The following CALN1 variants were observed in gnomAD, a reference collection of about 807,000 sequenced individuals.
CALN1 encodes the protein calneuron 1.
Under a neutral mutation model 30.6 loss-of-function variants are expected in CALN1, and 17 were observed. That is an observed-to-expected ratio of 0.56 (90% CI 0.38 to 0.83). The LOEUF is 0.83. Among genes scored for constraint, CALN1 ranks in the 40% least tolerant of loss-of-function variants. CALN1 has a pLI of 0.00. For synonymous variants in CALN1, 156 were observed against 131.4 expected, an observed-to-expected ratio of 1.19 and a Z score of -1.28; for missense variants, 291 against 354.9, an observed-to-expected ratio of 0.82 and a Z score of 1.45.
intron 5 of CALN1, among the ~76,000 whole-genome samples, chr7:71,953,505 CT>C (rs777353406): frequency 1.2e-4 from 19 of 152,130 alleles, no homozygotes; most frequent in Non-Finnish European, 2.4e-4. Flanking sequence ...ACTGTCAAGG[CT>C]TTGGAGAAAA....
intron 5 of CALN1, among the ~76,000 whole-genome samples, chr7:71,973,764 C>T (rs900308945): frequency 6.6e-6 from 1 of 151,994 alleles, no homozygotes; most frequent in Non-Finnish European, 1.5e-5. Flanking sequence ...AGCTCCCTTG[C>T]CAAACAAAGG....
At chr7:72,401,624 G>A (rs1280462522) in intron 2 of CALN1, among the ~76,000 whole-genome samples, 1 of 152,132 alleles carries the variant, frequency 6.6e-6, no homozygotes, top group Non-Finnish European at 1.5e-5. Context: ...GGTCATCACT[G>A]TCCCCCAGAG....
chr7:71,872,756 G>T (rs1284688873), intron 5 of CALN1, among the ~76,000 whole-genome samples: 2 of 151,708 alleles, frequency 1.3e-5, no homozygotes, highest in Admixed American at 6.6e-5. Flanking sequence ...TGTGACTACG[G>T]GCATGTGCCA....
intron 5 of CALN1, among the ~76,000 whole-genome samples, chr7:71,876,141 A>G (rs1482188137): frequency 6.6e-6 from 1 of 152,228 alleles, no homozygotes; most frequent in East Asian, 1.9e-4. Context: ...TGTCTCCACC[A>G]AAAGTCATGT....
chr7:71,823,138 A>G (rs2116334982), intron 5 of CALN1, among the ~76,000 whole-genome samples: 1 of 152,016 alleles, frequency 6.6e-6, no homozygotes, highest in South Asian at 2.1e-4. Context: ...TCCCCCTCAA[A>G]GTTGTTGAAG....
intron 4 of CALN1, among the ~76,000 whole-genome samples, chr7:72,035,554 T>C (rs1156968483): frequency 6.6e-6 from 1 of 152,214 alleles, no homozygotes; most frequent in Non-Finnish European, 1.5e-5. Context: ...TTCTTTTGTG[T>C]GTAGTTGATC....
At chr7:72,306,536 C>T (rs1156374541) in intron 2 of CALN1, among the ~76,000 whole-genome samples, 4 of 151,504 alleles carry the variant, frequency 2.6e-5, no homozygotes, top group Admixed American at 1.3e-4. Context: ...TTTCTCCAGT[C>T]GCCCACCTGG....
chr7:71,833,577 G>GA (rs66818847), intron 5 of CALN1, among the ~76,000 whole-genome samples: 51,506 of 120,766 alleles, frequency 0.43, 10,370 homozygotes, highest in South Asian at 0.6. Context: ...ACATGGTAAA[G>GA]AAAAAAAAAA....
intron 5 of CALN1, among the ~76,000 whole-genome samples, chr7:71,938,037 G>T (rs1795936973): frequency 6.6e-6 from 1 of 152,136 alleles, no homozygotes; most frequent in Non-Finnish European, 1.5e-5. Context: ...CGCAACATCT[G>T]GGTTGGGGCT....
chr7:72,360,658 ATT>A (rs1297779811), intron 2 of CALN1, among the ~76,000 whole-genome samples: 12 of 147,636 alleles, frequency 8.1e-5, no homozygotes, highest in South Asian at 4.4e-4. Flanking sequence ...CAACGTGCAG[ATT>A]TGTTACATAT....
chr7:72,374,031 A>C (rs1804400007), intron 2 of CALN1, among the ~76,000 whole-genome samples: 1 of 152,198 alleles, frequency 6.6e-6, no homozygotes, highest in South Asian at 2.1e-4. Flanking sequence ...ATCCTTCAGG[A>C]ATGAAGGTGA....
intron 4 of CALN1, among the ~76,000 whole-genome samples, chr7:72,076,897 C>T (rs1804782799): frequency 6.6e-6 from 1 of 151,996 alleles, no homozygotes; most frequent in South Asian, 2.1e-4. Context: ...TATCCTTTCT[C>T]TCTCTTTTAT....
chr7:72,465,875 C>G, the CALN1 span, among the ~76,000 whole-genome samples: 2 of 152,212 alleles, frequency 1.3e-5, no homozygotes, highest in African/African-American at 2.4e-5. Context: ...CAGGTCTCCC[C>G]TGACTCTGTG....
chr7:72,342,235 G>C (rs1174364766), intron 2 of CALN1, among the ~76,000 whole-genome samples: 1 of 148,856 alleles, frequency 6.7e-6, no homozygotes, highest in Non-Finnish European at 1.5e-5. Context: ...CTCCAACTTG[G>C]GTGAAAGACC....
At chr7:71,947,589 A>G (rs1562927461) in intron 5 of CALN1, among the ~76,000 whole-genome samples, 1 of 152,172 alleles carries the variant, frequency 6.6e-6, no homozygotes, top group East Asian at 1.9e-4. Flanking sequence ...TCTTCTTCTA[A>G]AAATCTCCAC....
At chr7:72,418,750 A>G (rs1045503911) in intron 1 of CALN1, among the ~76,000 whole-genome samples, 2 of 152,002 alleles carry the variant, frequency 1.3e-5, no homozygotes, top group African/African-American at 2.4e-5. Flanking sequence ...TGTGGCTTGC[A>G]CCTATAACCC....
chr7:72,470,128 G>C, the CALN1 span, among the ~76,000 whole-genome samples: 3 of 152,178 alleles, frequency 2.0e-5, no homozygotes, highest in Non-Finnish European at 4.4e-5. Flanking sequence ...TCTGAACATG[G>C]TAGGCCACTC....
chr7:72,113,992 T>C (rs1330947429), intron 3 of CALN1, among the ~76,000 whole-genome samples: 1 of 151,876 alleles, frequency 6.6e-6, no homozygotes, highest in Non-Finnish European at 1.5e-5. Context: ...GAGGACACTG[T>C]GGAAAGAAGA....
chr7:72,027,798 C>T (rs963704176), intron 4 of CALN1, among the ~76,000 whole-genome samples: 7 of 151,578 alleles, frequency 4.6e-5, no homozygotes, highest in Non-Finnish European at 1.0e-4. Context: ...TGGCTCACGC[C>T]TGTAATCCCA....
Sources: allele counts gnomAD v4.1 joint callset (sites outside exome capture counted in the v4.1 genomes callset), GRCh38; gene constraint gnomAD v4.1.1; transcripts MANE v1.5; gene names NCBI Gene and HGNC (gene_info 2026-07-23, HGNC 2026-07-21).